The following NRG2 variants were observed in gnomAD, a reference collection of about 807,000 sequenced individuals.
NRG2 encodes pro-neuregulin-2, membrane-bound isoform.
NRG2 carries 27 observed loss-of-function variants against 73.9 expected under a neutral mutation model. That is an observed-to-expected ratio of 0.37 (90% CI 0.27 to 0.50). The LOEUF (loss-of-function observed/expected upper bound fraction) is 0.50, where lower values mean the gene tolerates loss of function less well. Among genes scored for constraint, NRG2 ranks in the 20% least tolerant of loss-of-function variants. NRG2 has a pLI of 0.96. For synonymous variants in NRG2, 532 were observed against 541.0 expected (o/e 0.98, Z 0.23); for missense variants, 1,126 against 1,210.1 (o/e 0.93, Z 1.03).
intron 3 of NRG2, among the ~76,000 whole-genome samples, chr5:139,874,817 T>C (rs1489568468): frequency 5.9e-5 from 9 of 152,220 alleles, no homozygotes; most frequent in Non-Finnish European, 8.8e-5. Flanking sequence ...TTTCAGACTA[T>C]GCTGGTCATA....
At chr5:139,876,925 CTGTGTGTGTG>C (rs3082489) in intron 3 of NRG2, among the ~76,000 whole-genome samples, 4 of 141,898 alleles carry the variant, frequency 2.8e-5, no homozygotes, top group South Asian at 2.4e-4. Flanking sequence ...GAATGTGCAT[CTGTGTGTGTG>C]TGTGTGTGTG....
chr5:139,866,597 T>C (rs1000359364), intron 4 of NRG2, among the ~76,000 whole-genome samples: 6 of 152,172 alleles, frequency 3.9e-5, no homozygotes, highest in Admixed American at 2.0e-4. Flanking sequence ...CCTGGAAGCC[T>C]GGTCCACATC....
rs1758241892 is a variant in NRG2 at position 139,999,075 on chromosome 5, G to C, written c.700+43295C>G. Reference sequence around the variant, plus strand: ...TCCTAAGGACGAGGCTCAGCCAGTGGGGGACAGAAGCTAGCTGGAGTTCCT... The same window carrying C: ...TCCTAAGGACGAGGCTCAGCCAGTGCGGGACAGAAGCTAGCTGGAGTTCCT... On this transcript the variant is annotated intron_variant, in intron 1 of 9. Coordinates refer to ENST00000361474, the MANE Select transcript of NRG2 (RefSeq NM_004883.3). Among the ~76,000 whole-genome samples, 3 of 152,094 alleles carry C rather than the reference G, an allele frequency of 2.0e-5. No homozygotes were observed. In the South Asian group the frequency reaches 6.2e-4, roughly 32 times the overall value.
At chr5:139,881,020 G>C (rs376843845) in intron 2 of NRG2, 46 bp from the exon 3 acceptor site, 8 of 1,534,486 alleles carry the variant, frequency 5.2e-6, no homozygotes, top group Non-Finnish European at 7.2e-6. Flanking sequence ...AGCCAGGGCC[G>C]GCTGTGGCTC....
At chr5:139,897,167 G>A (rs1178354158) in intron 1 of NRG2, among the ~76,000 whole-genome samples, 1 of 152,242 alleles carries the variant, frequency 6.6e-6, no homozygotes, top group East Asian at 1.9e-4. Flanking sequence ...CATGCAAGCT[G>A]TGGGGTCAGA....
At chr5:139,909,964 TAA>T (rs1451055707) in intron 1 of NRG2, among the ~76,000 whole-genome samples, 1 of 152,170 alleles carries the variant, frequency 6.6e-6, no homozygotes, top group Non-Finnish European at 1.5e-5. Context: ...TTTCTTCTCT[TAA>T]AAAAGTTTAT....
At chr5:139,992,787 C>T (rs1757731093) in intron 1 of NRG2, among the ~76,000 whole-genome samples, 1 of 152,182 alleles carries the variant, frequency 6.6e-6, no homozygotes, top group Non-Finnish European at 1.5e-5. Flanking sequence ...TCACGTGTGT[C>T]CCTTCCCAGC....
At chr5:139,970,654 C>T (rs1755896019) in intron 1 of NRG2, among the ~76,000 whole-genome samples, 2 of 152,236 alleles carry the variant, frequency 1.3e-5, no homozygotes, top group Admixed American at 1.3e-4. Context: ...CTGGGACCAT[C>T]TTCTCCTCTA....
At chr5:139,959,628 G>A (rs1457793152) in intron 1 of NRG2, among the ~76,000 whole-genome samples, 3 of 151,844 alleles carry the variant, frequency 2.0e-5, no homozygotes, top group East Asian at 3.9e-4. Context: ...CACCCGCCTC[G>A]GCCTCCCAAA....
rs1265251456 is a variant in NRG2 at position 139,848,492 on chromosome 5, GT to G, written c.1977del (p.Gly667AlafsTer99). The stretch of plus-strand genomic sequence containing the variant: ...GCGCCGGGCCCGGGCCCGGGCCCGG[GT>G]CCGGGTCCCGGGCCGGGGGGCGCCG... Reference protein sequence around the residue: ...RHPAPPGPGPGPGPGPGPGAD... With the variant: ...RHPAPPGPGPXPGPGPGPGAD... On this transcript the variant is annotated frameshift_variant, in exon 10 of 10. Transcript: ENST00000361474. LOFTEE classifies it high-confidence loss of function. The G allele has an allele frequency of 1.0e-5, 12 of 1,151,888 alleles. No homozygotes were observed. In the African/African-American group the frequency reaches 2.5e-4, roughly 24 times the overall value. The allele number at this position is 1,151,888 out of a possible 1,614,324, so 71.4% of individuals were successfully genotyped here.
chr5:139,864,548 C>T (rs532386295), intron 5 of NRG2, among the ~76,000 whole-genome samples: 5 of 152,046 alleles, frequency 3.3e-5, no homozygotes, highest in African/African-American at 1.2e-4. Flanking sequence ...TTTTTAGCAT[C>T]TCCAGCACCA....
At chr5:140,040,092 T>G (rs1328198809) in intron 1 of NRG2, among the ~76,000 whole-genome samples, 2 of 152,214 alleles carry the variant, frequency 1.3e-5, no homozygotes, top group African/African-American at 4.8e-5. Context: ...TATGCTCTTC[T>G]GTTATATTAT....
At chr5:139,971,746 G>T (rs1755986365) in intron 1 of NRG2, among the ~76,000 whole-genome samples, 1 of 152,114 alleles carries the variant, frequency 6.6e-6, no homozygotes, top group Non-Finnish European at 1.5e-5. Context: ...AGAAAATTAT[G>T]CTCTAGCTCT....
intron 1 of NRG2, among the ~76,000 whole-genome samples, chr5:139,975,666 G>A (rs1030732679): frequency 2.6e-5 from 4 of 152,232 alleles, no homozygotes; most frequent in African/African-American, 9.6e-5. Flanking sequence ...GGCTGGGGCA[G>A]CTGGGCTGGG....
intron 1 of NRG2, among the ~76,000 whole-genome samples, chr5:139,944,221 A>G (rs905171866): frequency 6.6e-6 from 1 of 152,204 alleles, no homozygotes; most frequent in Non-Finnish European, 1.5e-5. Flanking sequence ...GGCAATTAGC[A>G]TATCCATCAT....
intron 5 of NRG2, among the ~76,000 whole-genome samples, chr5:139,862,029 G>A (rs1284206288): frequency 6.6e-6 from 1 of 152,212 alleles, no homozygotes; most frequent in Non-Finnish European, 1.5e-5. Flanking sequence ...AAATTAGGAG[G>A]CAGAAGGGAG....
At chr5:139,951,891 G>T (rs1754231500) in intron 1 of NRG2, among the ~76,000 whole-genome samples, 1 of 152,238 alleles carries the variant, frequency 6.6e-6, no homozygotes, top group South Asian at 2.1e-4. Context: ...GGAAGATCCA[G>T]GTCATGCAGT....
rs1277979511 is a variant in NRG2, at chr5:139,952,303, T to C, written c.701-64792A>G. On this transcript the variant is annotated intron_variant, in intron 1 of 9. Transcript: ENST00000361474. ...ATTTGAGGGTCCAGGGCCCAGCCTC[T>C]GTACCTTTTGTCCTTTAAACTACAC... is the stretch of plus-strand genomic sequence containing the variant. Among the ~76,000 whole-genome samples the C allele has an allele frequency of 2.6e-5, 4 of 152,180 alleles. No individual in the cohort carries two copies. The East Asian group carries it at 5.8e-4, about 22-fold the overall frequency.
chr5:139,979,410 G>A lies in NRG2; in HGVS notation c.700+62960C>T, dbSNP rs535175928. ...TTCTCCCTGGCTAGAGCACAGAGTTGCTATGAGGCCAAAATGAGAGACGTG... is the reference window on the plus strand; with the variant it reads ...TTCTCCCTGGCTAGAGCACAGAGTTACTATGAGGCCAAAATGAGAGACGTG... On this transcript the variant is annotated intron_variant, in intron 1 of 9. Coordinates refer to ENST00000361474, the MANE Select transcript of NRG2 (RefSeq NM_004883.3). Among the ~76,000 whole-genome samples, 127 of 152,248 alleles carry A rather than the reference G, an allele frequency of 8.3e-4. 1 individual carries two copies. Among genetic ancestry groups the A allele is most frequent in the African/African-American group, 3.0e-3 (124 of 41,546 alleles).
Sources: allele counts gnomAD v4.1 joint callset (sites outside exome capture counted in the v4.1 genomes callset), GRCh38; gene constraint gnomAD v4.1.1; transcripts MANE v1.5; gene names NCBI Gene and HGNC (gene_info 2026-07-23, HGNC 2026-07-21).